CNOT1: variants seen among roughly 807,000 people sequenced by gnomAD.
CNOT1 encodes the protein CCR4-associated factor 1.
A neutral mutation model predicts 273.8 loss-of-function variants in CNOT1; 15 were observed. That is an observed-to-expected ratio of 0.05 (90% CI 0.04 to 0.08). The LOEUF (loss-of-function observed/expected upper bound fraction) is 0.08, where lower values mean the gene tolerates loss of function less well. Ranked by LOEUF, CNOT1 falls within the 10% of genes least tolerant of loss-of-function variation. The probability of loss-of-function intolerance (pLI) is 1.00; values close to 1 mark genes in which losing one functional copy is unlikely to be tolerated. For missense variants in CNOT1, 1,644 were observed against 2,912.2 expected (o/e 0.56, Z 10.02); for synonymous variants, 1,022 against 1,005.5 (o/e 1.02, Z -0.31).
chr16:58,546,261 T>A, intron 29 of CNOT1, 60 bp downstream of exon 29: 1 of 1,407,156 alleles, frequency 7.1e-7, no homozygotes, highest in Non-Finnish European at 9.9e-7. Context: ...CATGGACAAG[T>A]ACCATTTAAG....
chr16:58,521,636 G>A (rs1351923560), intron 47 of CNOT1, among the ~76,000 whole-genome samples: 1 of 152,178 alleles, frequency 6.6e-6, no homozygotes, highest in Non-Finnish European at 1.5e-5. Flanking sequence ...CACAAAGTTA[G>A]TACAAAAAGT....
At position 58,597,668 on chromosome 16, in the gene CNOT1, C is replaced by T. The variant is rs528696548; in HGVS notation, c.102+1568G>A. On this transcript the variant is annotated intron_variant, in intron 2 of 48. Transcript: ENST00000317147. ...TGCCAAAGAGGAAAGTCTGCAGGAA[C>T]CATACAAGGACTCTCCCACATGACT... 1.0e-5 allele frequency: 5 copies of T among 486,126 alleles called. No individual in the cohort carries two copies. In the East Asian group the frequency reaches 1.8e-4, roughly 17 times the overall value. The allele number at this position is 486,126 out of a possible 1,614,324, so 30.1% of individuals were successfully genotyped here.
chr16:58,606,775 G>A (rs1163713712), intron 1 of CNOT1, among the ~76,000 whole-genome samples: 5 of 151,572 alleles, frequency 3.3e-5, no homozygotes, highest in Non-Finnish European at 7.4e-5. Context: ...TTGCACTCTA[G>A]CCTGGGCAGC....
chr16:58,539,704 T>C (rs1195946919), intron 35 of CNOT1, 64 bp downstream of exon 35: 4 of 1,430,380 alleles, frequency 2.8e-6, no homozygotes, highest in South Asian at 1.4e-5. Context: ...ATGTAGATGG[T>C]GGTGCAGGTC....
intron 16 of CNOT1, among the ~76,000 whole-genome samples, chr16:58,565,359 C>G (rs1321676896): frequency 2.0e-5 from 3 of 152,132 alleles, no homozygotes; most frequent in Non-Finnish European, 4.4e-5. Flanking sequence ...AAGCAATTTG[C>G]CCACCTCAGC....
chr16:58,521,552 T>C lies in CNOT1; in HGVS notation c.6918-235A>G, dbSNP rs565707927. On this transcript the variant is annotated intron_variant, in intron 47 of 48. Transcript: ENST00000317147. Reference sequence around the variant, plus strand: ...TATTTATATAAAGTGCAGATAATGGTATCTACCTCACAGCTGTTCAGAATA... The same window carrying C: ...TATTTATATAAAGTGCAGATAATGGCATCTACCTCACAGCTGTTCAGAATA... Among the ~76,000 whole-genome samples the C allele has an allele frequency of 3.3e-5, 5 of 152,320 alleles. No individual in the cohort carries two copies. The East Asian group carries it at 5.8e-4, about 18-fold the overall frequency.
intron 2 of CNOT1, among the ~76,000 whole-genome samples, chr16:58,598,543 T>A (rs1288818956): frequency 6.6e-6 from 1 of 151,374 alleles, no homozygotes; most frequent in Non-Finnish European, 1.5e-5. Context: ...CACTCCAGCC[T>A]GAGCGACAGA....
At chr16:58,599,095 G>T in intron 2 of CNOT1, 141 bp downstream of exon 2, 44 of 731,514 alleles carry the variant, frequency 6.0e-5, no homozygotes, top group Non-Finnish European at 9.1e-5. Flanking sequence ...CTCTTTTACA[G>T]ATGATGATGA....
intron 1 of CNOT1, among the ~76,000 whole-genome samples, chr16:58,611,238 G>C (rs567125512): frequency 1.1e-4 from 16 of 151,070 alleles, no homozygotes; most frequent in African/African-American, 3.9e-4. Flanking sequence ...AGACCAGCCT[G>C]GGCAATACGG....
chr16:58,580,609 T>G, intron 12 of CNOT1, 24 bp downstream of exon 12: 1 of 1,596,112 alleles, frequency 6.3e-7, no homozygotes, highest in Non-Finnish European at 8.5e-7. Context: ...ATCTTTTAAA[T>G]GAAAGATGAA....
chr16:58,602,933 C>T (rs2042527074), intron 1 of CNOT1, among the ~76,000 whole-genome samples: 1 of 152,100 alleles, frequency 6.6e-6, no homozygotes, highest in Non-Finnish European at 1.5e-5. Flanking sequence ...TGATGTCACA[C>T]CCTGCAAAGC....
intron 1 of CNOT1, among the ~76,000 whole-genome samples, chr16:58,605,746 C>G (rs1001077639): frequency 4.6e-5 from 7 of 152,140 alleles, no homozygotes; most frequent in Admixed American, 2.0e-4. Flanking sequence ...CTTACCGCAG[C>G]CTCCCTGACT....
rs1567386775 is a variant in CNOT1 at position 58,528,663 on chromosome 16, CA to C, written c.6280-16del. 1.3e-6 allele frequency: 2 copies of C among 1,580,028 alleles called. No individual in the cohort carries two copies. Among genetic ancestry groups the C allele is most frequent in the Admixed American group, 3.7e-5 (2 of 53,626 alleles). On this transcript the variant is annotated splice_polypyrimidine_tract_variant and intron_variant, in intron 43 of 48. Coordinates refer to ENST00000317147, the MANE Select transcript of CNOT1 (RefSeq NM_016284.5). ...CTTAAAGTGCCCTATTTTTAAAAAA[CA>C]AGAAAAATATTTCCACACTAAGGAA...
chr16:58,570,720 G>A (rs2041240717), intron 16 of CNOT1, among the ~76,000 whole-genome samples: 1 of 152,020 alleles, frequency 6.6e-6, no homozygotes, highest in Non-Finnish European at 1.5e-5. Context: ...CAAGGGGAAG[G>A]GGACAAAGCC....
At chr16:58,593,444 A>G (rs1483782241) in intron 2 of CNOT1, among the ~76,000 whole-genome samples, 1 of 152,122 alleles carries the variant, frequency 6.6e-6, no homozygotes, top group African/African-American at 2.4e-5. Context: ...CTGTAATCCC[A>G]GCTACTTGGG....
chr16:58,532,124 G>A lies in CNOT1; in HGVS notation c.6060-49C>T, dbSNP rs1466435898. The A allele has an allele frequency of 1.9e-6, 3 of 1,612,256 alleles. No homozygotes were observed. In the African/African-American group the frequency reaches 4.0e-5, roughly 22 times the overall value. ...AGAAGCACAGTCCAACTTAAATACA[G>A]TGAACAGCACATGAATGTAGGCTCA... On this transcript the variant is annotated intron_variant, in intron 41 of 48. Coordinates refer to ENST00000317147, the MANE Select transcript of CNOT1 (RefSeq NM_016284.5).
intron 2 of CNOT1, among the ~76,000 whole-genome samples, chr16:58,598,579 A>C (rs1428612809): frequency 6.6e-6 from 1 of 151,052 alleles, no homozygotes; most frequent in Admixed American, 6.6e-5. Context: ...GGAGGCAGAG[A>C]TTGCAGTAAG....
At chr16:58,560,912 CT>C (rs2040815042) in intron 16 of CNOT1, among the ~76,000 whole-genome samples, 1 of 152,122 alleles carries the variant, frequency 6.6e-6, no homozygotes, top group African/African-American at 2.4e-5. Context: ...GTAGTCCCAG[CT>C]ACTCGGGAGG....
intron 1 of CNOT1, among the ~76,000 whole-genome samples, chr16:58,628,930 A>G (rs1013143956): frequency 1.3e-5 from 2 of 152,264 alleles, no homozygotes; most frequent in African/African-American, 4.8e-5. Flanking sequence ...GTACCTCTAC[A>G]AGACCTGCCG....
Sources: allele counts gnomAD v4.1 joint callset (sites outside exome capture counted in the v4.1 genomes callset), GRCh38; gene constraint gnomAD v4.1.1; transcripts MANE v1.5; gene names NCBI Gene and HGNC (gene_info 2026-07-23, HGNC 2026-07-21).